The following ARMC2 variants were observed in gnomAD, a reference collection of about 807,000 sequenced individuals.
ARMC2 encodes armadillo repeat containing 2.
Under a neutral mutation model 90.3 loss-of-function variants are expected in ARMC2, and 67 were observed. The ratio of observed to expected loss-of-function variants is 0.74; its 90% CI spans 0.61 to 0.91. ARMC2 has a LOEUF of 0.91. Ranked by LOEUF, ARMC2 falls within the 40% of genes least tolerant of loss-of-function variation. ARMC2 has a pLI of 0.00. For synonymous variants in ARMC2, 393 were observed against 393.0 expected, an observed-to-expected ratio of 1.00 and a Z score of 0.00; for missense variants, 920 against 1,030.9, an observed-to-expected ratio of 0.89 and a Z score of 1.47.
chr6:108,943,738 G>A (rs1421256311), intron 12 of ARMC2, among the ~76,000 whole-genome samples: 1 of 152,124 alleles, frequency 6.6e-6, no homozygotes, highest in Non-Finnish European at 1.5e-5. Context: ...GGAGGATGAG[G>A]CAGGAGAATC....
chr6:108,878,332 G>A (rs1018181555), intron 5 of ARMC2, among the ~76,000 whole-genome samples: 1 of 152,146 alleles, frequency 6.6e-6, no homozygotes, highest in African/African-American at 2.4e-5. Context: ...AGTGAGCTGG[G>A]CTGGCAGGAG....
intron 5 of ARMC2, among the ~76,000 whole-genome samples, chr6:108,888,738 C>T (rs1467257032): frequency 6.6e-6 from 1 of 152,196 alleles, no homozygotes; most frequent in Non-Finnish European, 1.5e-5. Context: ...CCTATTCCTC[C>T]ATGGCTACAT....
the ARMC2 span, among the ~76,000 whole-genome samples, chr6:108,985,107 T>G: frequency 6.6e-6 from 1 of 152,306 alleles, no homozygotes; most frequent in African/African-American, 2.4e-5. Flanking sequence ...TTCTGATTCA[T>G]GTATGATATT....
At chr6:108,995,379 A>G in the ARMC2 span, among the ~76,000 whole-genome samples, 1 of 152,194 alleles carries the variant, frequency 6.6e-6, no homozygotes, top group Non-Finnish European at 1.5e-5. Flanking sequence ...CAATTTACCA[A>G]TTAAACATGA....
At chr6:108,883,999 T>C (rs1777841152) in intron 5 of ARMC2, among the ~76,000 whole-genome samples, 1 of 152,224 alleles carries the variant, frequency 6.6e-6, no homozygotes, top group Non-Finnish European at 1.5e-5. Flanking sequence ...TTATATTGCC[T>C]GGCTTTTAAA....
At chr6:108,959,190 T>C (rs1380799363) in intron 13 of ARMC2, among the ~76,000 whole-genome samples, 5 of 152,212 alleles carry the variant, frequency 3.3e-5, no homozygotes, top group African/African-American at 1.2e-4. Context: ...GAGGGGCCAC[T>C]GGCGGAAGGA....
chr6:108,969,353 C>T (rs1397426190), intron 17 of ARMC2, among the ~76,000 whole-genome samples: 9 of 152,206 alleles, frequency 5.9e-5, no homozygotes, highest in Non-Finnish European at 2.9e-5. Flanking sequence ...TTTATAGATG[C>T]TGCAGGACAC....
chr6:108,894,639 GA>G (rs964846303), intron 6 of ARMC2, 96 bp downstream of exon 6: 1 of 1,075,454 alleles, frequency 9.3e-7, no homozygotes, highest in Admixed American at 2.8e-5. Context: ...GAAACTTAAG[GA>G]AGTTTGTCCA....
At chr6:109,008,854 C>A in the ARMC2 span, 3 of 985,620 alleles carry the variant, frequency 3.0e-6, no homozygotes, top group Non-Finnish European at 3.6e-6. Context: ...CAGGCAACAT[C>A]ATCTCTTCCC....
In ARMC2 at chr6:108,936,783, T is replaced by C. The variant is rs1367817314; in HGVS notation, c.1497-117T>C. On this transcript the variant is annotated intron_variant, in intron 11 of 17. Transcript: ENST00000392644. ...ACTGATGTGTAGAGTATTTTTAGAC[T>C]CCTTTTCTTGAACTGGGCAATGTTT... The C allele has an allele frequency of 6.2e-6, 5 of 809,936 alleles. No homozygotes were observed. In the South Asian group the frequency reaches 8.5e-5, roughly 14 times the overall value. 50.2% of individuals were successfully genotyped at this position (809,936 alleles called of 1,614,324 possible). A position where few individuals can be genotyped will look rare whatever the true frequency, so the allele number is the denominator to read the frequency against.
Position 108,869,809 on chromosome 6 carries a change from G to A in ARMC2, c.463+814G>A, listed in dbSNP as rs557743745. ...AGCCTGAGGAGTCCCACCAACAATTGGAATCACTCCCCATCCAGGGCATAC... is the reference window on the plus strand; with the variant it reads ...AGCCTGAGGAGTCCCACCAACAATTAGAATCACTCCCCATCCAGGGCATAC... On this transcript the variant is annotated intron_variant, in intron 4 of 17. Coordinates refer to ENST00000392644, the MANE Select transcript of ARMC2 (RefSeq NM_032131.6). Among the ~76,000 whole-genome samples, 51 of 152,054 alleles carry A rather than the reference G, an allele frequency of 3.4e-4. No homozygotes were observed. The Middle Eastern group carries it at 0.02, about 61-fold the overall frequency.
chr6:108,997,993 T>C, the ARMC2 span, among the ~76,000 whole-genome samples: 2 of 152,232 alleles, frequency 1.3e-5, no homozygotes, highest in Non-Finnish European at 2.9e-5. Context: ...TACATTCACC[T>C]GATATCACCT....
the ARMC2 span, among the ~76,000 whole-genome samples, chr6:109,050,384 T>G: frequency 1.4e-5 from 2 of 140,170 alleles, no homozygotes; most frequent in East Asian, 3.9e-4. Flanking sequence ...ATTGTTTAAA[T>G]TGTTAAAAAA....
At chr6:108,889,135 ACTTTTATT>A (rs1312296313) in intron 5 of ARMC2, among the ~76,000 whole-genome samples, 1 of 151,866 alleles carries the variant, frequency 6.6e-6, no homozygotes, top group Non-Finnish European at 1.5e-5. Context: ...TGCTGGTTTA[ACTTTTATT>A]CTTTTATTAT....
At chr6:108,998,346 G>T in the ARMC2 span, 1 of 674,036 alleles carries the variant, frequency 1.5e-6, no homozygotes, top group Non-Finnish European at 2.5e-6. Context: ...GACTAGTGAT[G>T]AGCATGTGAG....
At chr6:108,925,167 C>T (rs1207546650) in intron 10 of ARMC2, among the ~76,000 whole-genome samples, 1 of 152,208 alleles carries the variant, frequency 6.6e-6, no homozygotes. Flanking sequence ...AGGTCTTAAA[C>T]ATAGACAAGT....
At chr6:108,900,557 A>G (rs1363337329) in intron 7 of ARMC2, among the ~76,000 whole-genome samples, 3 of 152,210 alleles carry the variant, frequency 2.0e-5, no homozygotes, top group African/African-American at 7.2e-5. Flanking sequence ...TGGTAGCCAC[A>G]GGAAGATGCT....
At chr6:108,988,488 G>A in the ARMC2 span, 1 of 1,486,546 alleles carries the variant, frequency 6.7e-7, no homozygotes, top group Non-Finnish European at 9.1e-7. Context: ...TTAGGTGAAG[G>A]AGACTACGAA....
At chr6:109,050,051 T>C in the ARMC2 span, among the ~76,000 whole-genome samples, 1 of 152,202 alleles carries the variant, frequency 6.6e-6, no homozygotes. Flanking sequence ...TAAAACTCTG[T>C]ATATGAAGTA....
Sources: gnomAD v4.1 joint callset for allele counts (sites outside exome capture counted in the v4.1 genomes callset) on GRCh38, gnomAD v4.1.1 for gene constraint, MANE v1.5 for transcripts, NCBI Gene and HGNC (gene_info 2026-07-23, HGNC 2026-07-21) for gene names.